The following ENPP2 variants were observed in gnomAD, a reference collection of about 807,000 sequenced individuals.
The protein encoded by ENPP2 is autotaxin.
A neutral mutation model predicts 120.2 loss-of-function variants in ENPP2; 51 were observed. That is an observed-to-expected ratio of 0.42 (90% CI 0.34 to 0.54). ENPP2 has a LOEUF of 0.54. ENPP2 is among the 20% of genes least tolerant of loss of function. The pLI is 0.04. For missense variants in ENPP2, 920 were observed against 1,066.5 expected (o/e 0.86, Z 1.91); for synonymous variants, 365 against 366.4 (o/e 1.00, Z 0.04).
chr8:119,644,907 G>A (rs374952719), intron 1 of ENPP2, among the ~76,000 whole-genome samples: 8 of 151,876 alleles, frequency 5.3e-5, no homozygotes, highest in Admixed American at 2.6e-4. Flanking sequence ...GGGCTGAGTC[G>A]CTAGCAGGCT....
At position 119,598,371 on chromosome 8, in the gene ENPP2, G is replaced by GA. The variant is rs761496046; in HGVS notation, c.972+2306dup. Among the ~76,000 whole-genome samples, 91 of 152,104 alleles carry GA rather than the reference G, an allele frequency of 6.0e-4. No homozygotes were observed. The Middle Eastern group carries it at 0.01, about 17-fold the overall frequency. On this transcript the variant is annotated intron_variant, in intron 11 of 24. Coordinates refer to ENST00000075322, the MANE Select transcript of ENPP2 (RefSeq NM_001040092.3). ...CCTAGCTGCAAGAAGTAGTAATACT[G>GA]AAAAAAACATAACATGAATACTTTC...
intron 21 of ENPP2, among the ~76,000 whole-genome samples, chr8:119,568,687 A>G (rs1587340084): frequency 6.6e-6 from 1 of 152,212 alleles, no homozygotes; most frequent in Non-Finnish European, 1.5e-5. Context: ...TGTAGCCTCA[A>G]TCTCCCAGAT....
In ENPP2 at chr8:119,619,311, G is replaced by A; in HGVS notation, c.419-7C>T. Reference sequence around the variant, plus strand: ...TCAACCCAATGCGACTCTCCTATAAGGAAAAATGGGTAAATGTATTGTTGA... The same window carrying A: ...TCAACCCAATGCGACTCTCCTATAAAGAAAAATGGGTAAATGTATTGTTGA... On this transcript the variant is annotated splice_region_variant and splice_polypyrimidine_tract_variant and intron_variant, in intron 4 of 24. Coordinates refer to ENST00000075322, the MANE Select transcript of ENPP2 (RefSeq NM_001040092.3). 5.6e-6 allele frequency: 9 copies of A among 1,595,086 alleles called. No homozygotes were observed. Among genetic ancestry groups the A allele is most frequent in the Non-Finnish European group, 7.7e-6 (9 of 1,164,186 alleles).
At chr8:119,633,795 A>G (rs2130817053) in intron 2 of ENPP2, among the ~76,000 whole-genome samples, 1 of 151,868 alleles carries the variant, frequency 6.6e-6, no homozygotes, top group South Asian at 2.1e-4. Flanking sequence ...TCCTCTTCAC[A>G]GCTGCTAGGC....
chr8:119,571,063 A>G, intron 19 of ENPP2: 1 of 348,878 alleles, frequency 2.9e-6, no homozygotes, highest in Non-Finnish European at 5.1e-6. Flanking sequence ...ACCATAATGT[A>G]AATGCTGTAT....
At chr8:119,672,642 C>A (rs1371005457) in intron 1 of ENPP2, among the ~76,000 whole-genome samples, 1 of 152,164 alleles carries the variant, frequency 6.6e-6, no homozygotes, top group Non-Finnish European at 1.5e-5. Flanking sequence ...AAGGCTTGTT[C>A]AAATAGAAAA....
rs1373844260 is a variant in ENPP2 at position 119,564,882 on chromosome 8, A to G, written c.2205T>C (p.Ser735=). ...ASERNGVNVI[S]GPIFDYDYDG... is the part of the protein sequence containing the mutation. ...CATAGTCATAGTCGAAGATTGGTCC[A>G]CTTATCACGTTAACTCCATTTCTTT... The change falls in exon 23 of 25, where the codon AGT becomes AGC. Residue 735 remains serine, a synonymous_variant. Transcript: ENST00000075322. 6.2e-7 allele frequency: 1 copy of G among 1,613,238 alleles called. No homozygotes were observed. The highest frequency in any genetic ancestry group is 1.7e-4 in the Middle Eastern group (1 of 6,056).
intron 1 of ENPP2, among the ~76,000 whole-genome samples, chr8:119,644,590 A>ATG (rs1286416147): frequency 0.09 from 5,375 of 59,548 alleles, 97 homozygotes; most frequent in African/African-American, 0.15. Context: ...TTACTAAAAT[A>ATG]TATATATATA....
intron 9 of ENPP2, among the ~76,000 whole-genome samples, chr8:119,606,815 T>A (rs1391522326): frequency 6.6e-6 from 1 of 151,828 alleles, no homozygotes; most frequent in Non-Finnish European, 1.5e-5. Flanking sequence ...CAGATTTTTG[T>A]TAGGCATACA....
rs758295948 is a variant in ENPP2, at chr8:119,568,157, G to T, written c.2131+18C>A. The T allele has an allele frequency of 2.3e-6, 3 of 1,316,408 alleles. No homozygotes were observed. The highest frequency in any genetic ancestry group is 3.3e-6 in the Non-Finnish European group (3 of 912,802). The allele number at this position is 1,316,408 out of a possible 1,614,324, so 81.5% of individuals were successfully genotyped here. Reference sequence around the variant, plus strand: ...TATTTTCATAAATAACAGTGTATTAGGTAAATATTGGACTTACGTTTGAAA... The same window carrying T: ...TATTTTCATAAATAACAGTGTATTATGTAAATATTGGACTTACGTTTGAAA... On this transcript the variant is annotated intron_variant, in intron 22 of 24. Coordinates refer to ENST00000075322, the MANE Select transcript of ENPP2 (RefSeq NM_001040092.3).
At chr8:119,597,949 T>C (rs1049771214) in intron 11 of ENPP2, among the ~76,000 whole-genome samples, 3 of 152,228 alleles carry the variant, frequency 2.0e-5, no homozygotes, top group Non-Finnish European at 4.4e-5. Flanking sequence ...ATCATTTCAA[T>C]GAAATTTCAA....
chr8:119,560,062 A>G (rs1222079588), intron 24 of ENPP2, among the ~76,000 whole-genome samples: 1 of 152,150 alleles, frequency 6.6e-6, no homozygotes, highest in African/African-American at 2.4e-5. Flanking sequence ...CAGCCTTTGT[A>G]CCAAGTTTAG....
At chr8:119,569,454 C>T in intron 20 of ENPP2, 84 bp from the exon 21 acceptor site, 1 of 1,287,200 alleles carries the variant, frequency 7.8e-7, no homozygotes, top group South Asian at 1.4e-5. Context: ...TTCTCCTATG[C>T]TTGTATTCTG....
chr8:119,595,785 T>C, intron 11 of ENPP2: 1 of 1,562,060 alleles, frequency 6.4e-7, no homozygotes. Context: ...ACCAAGGCAC[T>C]GAAGGCAACC....
intron 19 of ENPP2, among the ~76,000 whole-genome samples, chr8:119,576,349 G>A (rs1194343694): frequency 2.0e-5 from 3 of 152,052 alleles, no homozygotes; most frequent in Non-Finnish European, 4.4e-5. Flanking sequence ...TGTTGGTCAG[G>A]CTGGTTTTGA....
chr8:119,673,362 G>GGCTGCTGCGGACT, exon 1 of ENPP2: 1 of 1,453,228 alleles, frequency 6.9e-7, no homozygotes, highest in South Asian at 1.2e-5. Context: ...TGCTCGGGAC[G>GGCTGCTGCGGACT]GCTGCTGCGG....
At chr8:119,628,772 G>A (rs1487569273) in intron 2 of ENPP2, among the ~76,000 whole-genome samples, 1 of 152,282 alleles carries the variant, frequency 6.6e-6, no homozygotes, top group East Asian at 1.9e-4. Flanking sequence ...AACTAGAGAC[G>A]AGTGAGAGAC....
chr8:119,659,337 A>AAAAAAAAAAAAAC (rs1817858118), intron 1 of ENPP2, among the ~76,000 whole-genome samples: 4 of 150,156 alleles, frequency 2.7e-5, no homozygotes, highest in Non-Finnish European at 5.9e-5. Flanking sequence ...AAAAAAAAAA[A>AAAAAAAAAAAAAC]CCAGAGTTCT....
rs1479128978 is a variant in ENPP2 at position 119,622,242 on chromosome 8, C to T, written c.293-723G>A. 2.0e-5 allele frequency among the ~76,000 whole-genome samples: 3 copies of T among 152,084 alleles called. No individual in the cohort carries two copies. The South Asian group carries it at 6.2e-4, about 32-fold the overall frequency. ...CAGCACCTAGCCTAAAGTAGCTGTG[C>T]TTAGCGTTAATCAGTGTGATTCAAA... On this transcript the variant is annotated intron_variant, in intron 3 of 24. Transcript: ENST00000075322.
Sources: gnomAD v4.1 joint callset for allele counts (sites outside exome capture counted in the v4.1 genomes callset) on GRCh38, gnomAD v4.1.1 for gene constraint, MANE v1.5 for transcripts, NCBI Gene and HGNC (gene_info 2026-07-23, HGNC 2026-07-21) for gene names.